The following HAPLN2 variants were observed in gnomAD, a reference collection of about 807,000 sequenced individuals.
HAPLN2 encodes brain link protein-1.
A neutral mutation model predicts 29.3 loss-of-function variants in HAPLN2; 27 were observed. That is an observed-to-expected ratio of 0.92 (90% CI 0.68 to 1.27). HAPLN2 has a LOEUF of 1.27. Among genes scored for constraint, HAPLN2 ranks in the 50% most tolerant of loss-of-function variants. The pLI, the probability that HAPLN2 is intolerant of heterozygous loss-of-function variation, is 0.00. For missense variants in HAPLN2, 454 were observed against 484.3 expected, an observed-to-expected ratio of 0.94 and a Z score of 0.59; for synonymous variants, 208 against 211.7, an observed-to-expected ratio of 0.98 and a Z score of 0.15.
intron 2 of HAPLN2, among the ~76,000 whole-genome samples, chr1:156,620,458 C>G (rs997776416): frequency 6.6e-6 from 1 of 152,186 alleles, no homozygotes; most frequent in Non-Finnish European, 1.5e-5. Context: ...CAGTGTCAGG[C>G]ACATTCAATT....
At chr1:156,604,701 G>A in the HAPLN2 span, among the ~76,000 whole-genome samples, 1 of 152,146 alleles carries the variant, frequency 6.6e-6, no homozygotes, top group Admixed American at 6.5e-5. Flanking sequence ...ATAGGCAATA[G>A]GATCAAAAGT....
chr1:156,620,336 T>C (rs941698411), intron 2 of HAPLN2, among the ~76,000 whole-genome samples, 178 bp downstream of exon 2: 1 of 152,222 alleles, frequency 6.6e-6, no homozygotes, highest in Non-Finnish European at 1.5e-5. Flanking sequence ...CCTCATTTCC[T>C]AAAATAGGTG....
At chr1:156,617,112 A>T (rs576626334), upstream of HAPLN2, among the ~76,000 whole-genome samples, 1 of 151,510 alleles carries the variant, frequency 6.6e-6, no homozygotes, top group African/African-American at 2.4e-5. Context: ...GAAAGAAAGA[A>T]AAGTATATTC....
chr1:156,605,261 G>A, the HAPLN2 span, among the ~76,000 whole-genome samples: 5 of 150,932 alleles, frequency 3.3e-5, no homozygotes, highest in South Asian at 2.1e-4. Flanking sequence ...GTGAGACTCC[G>A]TCTGAAAAAG....
chr1:156,609,958 G>A, the HAPLN2 span, among the ~76,000 whole-genome samples: 5 of 152,190 alleles, frequency 3.3e-5, no homozygotes, highest in East Asian at 7.7e-4. Flanking sequence ...GCTCACGCCT[G>A]TAATCCCAGC....
At chr1:156,622,816 T>C (rs1459908908) in intron 2 of HAPLN2, among the ~76,000 whole-genome samples, 2 of 151,814 alleles carry the variant, frequency 1.3e-5, no homozygotes, top group African/African-American at 4.8e-5. Flanking sequence ...TCACGCCTGC[T>C]GTAATCCCAG....
chr1:156,609,529 T>A, the HAPLN2 span, among the ~76,000 whole-genome samples: 4 of 152,210 alleles, frequency 2.6e-5, no homozygotes, highest in African/African-American at 9.6e-5. Context: ...AATTAAAAAA[T>A]TATTATTCTA....
At chr1:156,607,765 C>T in the HAPLN2 span, among the ~76,000 whole-genome samples, 1 of 152,140 alleles carries the variant, frequency 6.6e-6, no homozygotes, top group African/African-American at 2.4e-5. Context: ...TAAACTAGTA[C>T]ACAATTTATC....
At chr1:156,617,007 T>C (rs1475587417), upstream of HAPLN2, among the ~76,000 whole-genome samples, 2 of 151,950 alleles carry the variant, frequency 1.3e-5, no homozygotes, top group African/African-American at 2.4e-5. Flanking sequence ...GAGGGATCGT[T>C]TGAACCTGGG....
the HAPLN2 span, among the ~76,000 whole-genome samples, chr1:156,603,808 G>A: frequency 6.6e-6 from 1 of 152,208 alleles, no homozygotes; most frequent in African/African-American, 2.4e-5. Flanking sequence ...CTCTTGTCCT[G>A]TTAGGCCTCA....
chr1:156,607,590 T>C, the HAPLN2 span, among the ~76,000 whole-genome samples: 2 of 152,246 alleles, frequency 1.3e-5, no homozygotes, highest in East Asian at 1.9e-4. Context: ...GGAGGAAGTA[T>C]GTGTGGTCCC....
chr1:156,623,033 C>CAAAAAAAAAAAAAAAAAAAAAAAAAAAA lies in HAPLN2; in HGVS notation c.-24-427_-24-426insAAAAAAAAAAAAAAAAAAAAAAAAAAAA, dbSNP rs1207919606. 6.1e-4 allele frequency among the ~76,000 whole-genome samples: 27 copies of CAAAAAAAAAAAAAAAAAAAAAAAAAAAA among 44,186 alleles called. 1 individual carries two copies. The highest frequency in any genetic ancestry group is 1.9e-3 in the South Asian group (2 of 1,080). 29.0% of individuals were successfully genotyped at this position (44,186 alleles called of 152,430 possible). On this transcript the variant is annotated intron_variant, in intron 2 of 6. Transcript: ENST00000255039. ...TGGACCATGGAGCAACACTCTGTCTCAAAAAAATAAATAAATAAATAAATA... is the reference window on the plus strand; with the variant it reads ...TGGACCATGGAGCAACACTCTGTCTCAAAAAAAAAAAAAAAAAAAAAAAAAAAAAAAAAAATAAATAAATAAATAAATA...
Position 156,624,748 on chromosome 1 carries a change from G to T in HAPLN2, c.704G>T (p.Arg235Leu), listed in dbSNP as rs1678388768. The T allele has an allele frequency of 6.5e-7, 1 of 1,545,882 alleles. No homozygotes were observed. The highest frequency in any genetic ancestry group is 8.7e-7 in the Non-Finnish European group (1 of 1,155,018). ...GGACCCCGCGACCGGATGCGCGACC[G>T]CTACGACGCCTTCTGCTTCACCTCC... ...SYGPRDRMRD[R>L]YDAFCFTSAL... The change falls in exon 6 of 7, where the codon CGC becomes CTC. Residue 235 changes from arginine to leucine, a missense_variant. This residue lies in a region of HAPLN2 where 235 missense variants were observed against 236.9 expected (regional missense o/e 0.99). Coordinates refer to ENST00000255039, the MANE Select transcript of HAPLN2 (RefSeq NM_021817.3).
upstream of HAPLN2, among the ~76,000 whole-genome samples, chr1:156,617,692 G>T: frequency 6.9e-6 from 1 of 145,066 alleles, no homozygotes. Flanking sequence ...GAAATTATAT[G>T]GTTTTAATAA....
upstream of HAPLN2, among the ~76,000 whole-genome samples, chr1:156,619,053 GC>G (rs1440021449): frequency 6.6e-6 from 1 of 151,964 alleles, no homozygotes; most frequent in Non-Finnish European, 1.5e-5. Flanking sequence ...CACTCCCTCT[GC>G]CCTCATGGAG....
chr1:156,603,359 C>T, the HAPLN2 span, among the ~76,000 whole-genome samples: 1 of 151,830 alleles, frequency 6.6e-6, no homozygotes, highest in Non-Finnish European at 1.5e-5. Context: ...ACTTGAGTTT[C>T]GCTGCAGTGT....
intron 6 of HAPLN2, 128 bp from the exon 7 acceptor site, chr1:156,624,973 C>T: frequency 8.2e-7 from 1 of 1,214,384 alleles, no homozygotes; most frequent in Non-Finnish European, 1.1e-6. Flanking sequence ...TGCCTCGATC[C>T]CCCAACTCCT....
the HAPLN2 span, among the ~76,000 whole-genome samples, chr1:156,605,234 C>G: frequency 2.0e-5 from 3 of 151,722 alleles, no homozygotes; most frequent in Non-Finnish European, 4.4e-5. Flanking sequence ...CCACTGCACT[C>G]CAGCCTGTAC....
At chr1:156,604,919 CT>C in the HAPLN2 span, among the ~76,000 whole-genome samples, 6,966 of 139,544 alleles carry the variant, frequency 0.05, 230 homozygotes, top group African/African-American at 0.11. Context: ...TCCCAGCTGG[CT>C]TTTTTTTTTT....
Sources: gnomAD v4.1 joint callset for allele counts (sites outside exome capture counted in the v4.1 genomes callset) on GRCh38, gnomAD v4.1.1 for gene constraint, gnomAD v4.1.1 regional missense constraint, MANE v1.5 for transcripts, NCBI Gene and HGNC (gene_info 2026-07-23, HGNC 2026-07-21) for gene names.